DRC11: variants seen among roughly 807,000 people sequenced by gnomAD.
DRC11 encodes the protein dynein regulatory complex subunit 11.
At chr2:236,317,430 A>C in the DRC11 span, among the ~76,000 whole-genome samples, 2 of 152,212 alleles carry the variant, frequency 1.3e-5, no homozygotes, top group African/African-American at 4.8e-5. The surrounding 1 kb of genome is among the most constrained non-coding windows in gnomAD (Gnocchi z 5.4). Context: ...GAGTCTCACA[A>C]GCTAATGTTG....
At chr2:236,424,228 TA>T in the DRC11 span, among the ~76,000 whole-genome samples, 4 of 151,890 alleles carry the variant, frequency 2.6e-5, no homozygotes, top group South Asian at 4.2e-4. Flanking sequence ...TGTAAAGACT[TA>T]AAAAAAATAG....
the DRC11 span, among the ~76,000 whole-genome samples, chr2:236,409,328 C>G: frequency 3.3e-5 from 5 of 152,056 alleles, no homozygotes; most frequent in South Asian, 2.1e-4. Context: ...CTTCACATCC[C>G]TTGTAAGTTG....
chr2:236,491,673 C>A, the DRC11 span, among the ~76,000 whole-genome samples: 1 of 152,108 alleles, frequency 6.6e-6, no homozygotes, highest in Non-Finnish European at 1.5e-5. Flanking sequence ...GTGCTTCGCT[C>A]TGACTGATGC....
At chr2:236,322,112 C>CTCTT in the DRC11 span, among the ~76,000 whole-genome samples, 1 of 152,122 alleles carries the variant, frequency 6.6e-6, no homozygotes, top group African/African-American at 2.4e-5. Flanking sequence ...CCTTTAAATA[C>CTCTT]TCTTGGTCTG....
the DRC11 span, among the ~76,000 whole-genome samples, chr2:236,450,597 C>G: frequency 6.6e-6 from 1 of 152,068 alleles, no homozygotes. Flanking sequence ...GGATTATAGG[C>G]GTGAGCCACA....
At chr2:236,308,248 C>T in the DRC11 span, among the ~76,000 whole-genome samples, 1 of 152,268 alleles carries the variant, frequency 6.6e-6, no homozygotes, top group Non-Finnish European at 1.5e-5. This position sits in a 1 kb window ranked among gnomAD's most constrained non-coding sequence, Gnocchi z 6.0. Context: ...ACACACCTGC[C>T]TTTGGGCAGT....
At chr2:236,408,423 A>T in the DRC11 span, 21 of 740,724 alleles carry the variant, frequency 2.8e-5, no homozygotes, top group Admixed American at 1.7e-4. The surrounding 1 kb of genome is among the most constrained non-coding windows in gnomAD (Gnocchi z 5.5). Context: ...TGAAGACGTC[A>T]ATCATCTCAT....
the DRC11 span, among the ~76,000 whole-genome samples, chr2:236,478,773 A>G: frequency 6.1e-5 from 9 of 148,640 alleles, no homozygotes; most frequent in Non-Finnish European, 1.2e-4. The surrounding 1 kb of genome is among the most constrained non-coding windows in gnomAD (Gnocchi z 5.9). Context: ...TGACCCCTTT[A>G]TCATTATATA....
At chr2:236,390,252 G>T in the DRC11 span, among the ~76,000 whole-genome samples, 3 of 152,052 alleles carry the variant, frequency 2.0e-5, no homozygotes, top group African/African-American at 7.2e-5. The surrounding 1 kb of genome is among the most constrained non-coding windows in gnomAD (Gnocchi z 5.9). Context: ...GATAGTTTTT[G>T]ATTTGACGTC....
chr2:236,366,929 C>T, the DRC11 span, among the ~76,000 whole-genome samples: 1 of 151,596 alleles, frequency 6.6e-6, no homozygotes, highest in African/African-American at 2.4e-5. Context: ...CCAGCCTCAG[C>T]CTCCTGAGTA....
At chr2:236,376,235 A>G in the DRC11 span, among the ~76,000 whole-genome samples, 1 of 152,240 alleles carries the variant, frequency 6.6e-6, no homozygotes, top group Non-Finnish European at 1.5e-5. This position sits in a 1 kb window ranked among gnomAD's most constrained non-coding sequence, Gnocchi z 5.7. Context: ...TGCACAGCTC[A>G]GACTCTTCAA....
the DRC11 span, among the ~76,000 whole-genome samples, chr2:236,382,821 G>T: frequency 1.3e-5 from 2 of 151,996 alleles, no homozygotes; most frequent in African/African-American, 2.4e-5. Flanking sequence ...AGCTGATTTG[G>T]AGTTTGTAGA....
chr2:236,499,190 C>T, the DRC11 span, among the ~76,000 whole-genome samples: 1 of 152,126 alleles, frequency 6.6e-6, no homozygotes, highest in Non-Finnish European at 1.5e-5. The surrounding 1 kb of genome is among the most constrained non-coding windows in gnomAD (Gnocchi z 4.7). Context: ...GCCTGGTTGG[C>T]TAGTGCCTTA....
the DRC11 span, among the ~76,000 whole-genome samples, chr2:236,374,598 A>G: frequency 2.6e-5 from 4 of 152,234 alleles, no homozygotes; most frequent in African/African-American, 9.6e-5. Context: ...ACACAAGGCA[A>G]AGGCGGAGCA....
At chr2:236,404,341 G>A in the DRC11 span, among the ~76,000 whole-genome samples, 3 of 152,086 alleles carry the variant, frequency 2.0e-5, no homozygotes, top group African/African-American at 7.2e-5. Flanking sequence ...TAGACTGAAG[G>A]CCATAGATTC....
chr2:236,354,035 C>T, the DRC11 span, among the ~76,000 whole-genome samples: 1 of 152,082 alleles, frequency 6.6e-6, no homozygotes. Context: ...CATAGATGAT[C>T]ATCAAAAGAA....
the DRC11 span, among the ~76,000 whole-genome samples, chr2:236,443,657 T>C: frequency 2.6e-5 from 4 of 152,338 alleles, no homozygotes; most frequent in African/African-American, 9.6e-5. This position sits in a 1 kb window ranked among gnomAD's most constrained non-coding sequence, Gnocchi z 4.4. Flanking sequence ...GTCTTTGCTA[T>C]TGTGAATGGT....
chr2:236,483,291 A>G, the DRC11 span, among the ~76,000 whole-genome samples: 2 of 152,222 alleles, frequency 1.3e-5, no homozygotes, highest in Non-Finnish European at 2.9e-5. This position sits in a 1 kb window ranked among gnomAD's most constrained non-coding sequence, Gnocchi z 4.8. Context: ...CAACTTGCAG[A>G]AATTGCTGAC....
chr2:236,397,624 A>G, the DRC11 span, among the ~76,000 whole-genome samples: 2 of 152,260 alleles, frequency 1.3e-5, no homozygotes, highest in Non-Finnish European at 2.9e-5. This position sits in a 1 kb window ranked among gnomAD's most constrained non-coding sequence, Gnocchi z 5.0. Flanking sequence ...AGGTACATGC[A>G]GTACCAAACC....
Sources: gnomAD v4.1 joint callset for allele counts (sites outside exome capture counted in the v4.1 genomes callset) on GRCh38, gnomAD v4.1.1 for gene constraint, Gnocchi (gnomAD v3.1) non-coding constraint, MANE v1.5 for transcripts, NCBI Gene and HGNC (gene_info 2026-07-23, HGNC 2026-07-21) for gene names.